The following NUDT17 variants were observed in gnomAD, a reference collection of about 807,000 sequenced individuals.
The protein encoded by NUDT17 is nudix hydrolase 17, also known as m7GpppN-mRNA hydrolase NUDT17.
In NUDT17, 38 loss-of-function variants were observed where a neutral mutation model predicts 38.6. The ratio of observed to expected loss-of-function variants is 0.98; its 90% CI spans 0.76 to 1.29. The LOEUF (loss-of-function observed/expected upper bound fraction) is 1.29, where lower values mean the gene tolerates loss of function less well. Ranked by LOEUF, NUDT17 falls within the 50% of genes most tolerant of loss-of-function variation. NUDT17 has a pLI of 0.00. For missense variants in NUDT17, 462 were observed against 415.2 expected (o/e 1.11, Z -0.98); for synonymous variants, 192 against 167.8 (o/e 1.14, Z -1.11).
At chr1:145,847,209 A>AAT in intron 4 of NUDT17, 41 bp from the exon 5 acceptor site, 2 of 1,172,138 alleles carry the variant, frequency 1.7e-6, no homozygotes, top group Non-Finnish European at 2.4e-6. Context: ...AAAAAAAAAA[A>AAT]GTGACGGAAA....
At chr1:145,847,212 G>T in intron 4 of NUDT17, 38 bp from the exon 5 acceptor site, 13 of 1,130,396 alleles carry the variant, frequency 1.2e-5, no homozygotes, top group Non-Finnish European at 1.5e-5. Context: ...AAAAAAAAGT[G>T]ACGGAAAGTT....
chr1:145,845,724 A>G lies in NUDT17; in HGVS notation c.84A>G (p.Gly28=), dbSNP rs868920421. 1.3e-6 allele frequency: 2 copies of G among 1,557,608 alleles called. No individual in the cohort carries two copies. Among genetic ancestry groups the G allele is most frequent in the African/African-American group, 1.4e-5 (1 of 73,600 alleles). The change falls in exon 1 of 8, where the codon GGA becomes GGG. Residue 28 remains glycine, a synonymous_variant. Coordinates refer to ENST00000334513, the MANE Select transcript of NUDT17 (RefSeq NM_001012758.3). ...CACGGAGTGTGTGTGGCCTCCTGGG[A>G]GCCGGACCAGGGCTCGGGACGTGGC... ...SFARSVCGLL[G]AGPGLGTWPI... is the part of the protein sequence containing the mutation.
intron 5 of NUDT17, 81 bp downstream of exon 5, chr1:145,847,429 G>T: frequency 7.7e-7 from 1 of 1,305,884 alleles, no homozygotes. Context: ...GGAGCTGGGC[G>T]GGGGTGGCGG....
At position 145,848,143 on chromosome 1, in the gene NUDT17, C is replaced by G. The variant is rs782062001; in HGVS notation, c.763C>G (p.Arg255Gly). 6.2e-7 allele frequency: 1 copy of G among 1,613,902 alleles called. No individual in the cohort carries two copies. Among genetic ancestry groups the G allele is most frequent in the South Asian group, 1.1e-5 (1 of 91,060 alleles). ...AVELEEDGRARPLVLHMSTLL... is the reference protein window; with the variant it reads ...AVELEEDGRAGPLVLHMSTLL... ...GGAACTAGAGGAGGATGGAAGAGCC[C>G]GACCTCTGGTCCTGCACATGTCCAC... Residue 255 changes from arginine to glycine, a missense_variant, in exon 7 of 8, where the codon CGA (arginine) becomes GGA (glycine). Arg to Gly is a moderately radical substitution (Grantham distance 125, BLOSUM62 -2). Transcript: ENST00000334513.
intron 7 of NUDT17, 44 bp from the exon 8 acceptor site, chr1:145,848,333 G>A (rs2101674294): frequency 6.2e-7 from 1 of 1,612,640 alleles, no homozygotes; most frequent in Non-Finnish European, 8.5e-7. Flanking sequence ...TACAGGCACG[G>A]GGGAAAGCAG....
At chr1:145,845,962 A>T in intron 1 of NUDT17, 51 bp from the exon 2 acceptor site, 1 of 1,554,256 alleles carries the variant, frequency 6.4e-7, no homozygotes, top group South Asian at 1.2e-5. Context: ...AGTCACGCCC[A>T]CCCAGTGCCG....
chr1:145,845,843 G>T lies in NUDT17; in HGVS notation c.192+11G>T. 6.3e-7 allele frequency: 1 copy of T among 1,581,252 alleles called. No individual in the cohort carries two copies. The highest frequency in any genetic ancestry group is 1.2e-5 in the South Asian group (1 of 86,680). ...AGGCTTCCGCTCCAGGTCGGCAGAA[G>T]GGGGCCCCAGAGCGGGGGCAGTGAA... On this transcript the variant is annotated intron_variant, in intron 1 of 7. Transcript: ENST00000334513.
intron 5 of NUDT17, 53 bp downstream of exon 5, chr1:145,847,401 T>C (rs587608847): frequency 5.4e-5 from 73 of 1,346,664 alleles, no homozygotes; most frequent in Non-Finnish European, 7.2e-5. Flanking sequence ...CCAAGCAACC[T>C]GGTTCTGACT....
intron 6 of NUDT17, 56 bp downstream of exon 6, chr1:145,847,775 G>C: frequency 6.4e-7 from 1 of 1,573,252 alleles, no homozygotes; most frequent in East Asian, 2.2e-5. Context: ...ATGTTGAGAA[G>C]TTCAGCGTCT....
In NUDT17 at chr1:145,847,620, T is replaced by G; in HGVS notation, c.632T>G (p.Leu211Arg). The G allele has an allele frequency of 6.2e-7, 1 of 1,613,920 alleles. No homozygotes were observed. Among genetic ancestry groups the G allele is most frequent in the Non-Finnish European group, 8.5e-7 (1 of 1,180,002 alleles). ...IQPNPNEVSALMWLTPDVAAA... is the reference protein window; with the variant it reads ...IQPNPNEVSARMWLTPDVAAA... ...CCAAACCCAAATGAGGTGAGCGCCC[T>G]TATGTGGCTGACACCAGATGTAGCT... Residue 211 changes from leucine (L) to arginine (R), a missense_variant, in exon 6 of 8, where the codon CTT becomes CGT. Leu to Arg is a moderately radical substitution (Grantham distance 102). Transcript: ENST00000334513.
At chr1:145,848,063 TC>T in intron 6 of NUDT17, 48 bp from the exon 7 acceptor site, 1 of 1,609,056 alleles carries the variant, frequency 6.2e-7, no homozygotes. Context: ...ATATGTAAGT[TC>T]TTTGTAAGCT....
At position 145,848,360 on chromosome 1, in the gene NUDT17, T is replaced by G. The variant is rs782621160; in HGVS notation, c.885-17T>G. ...GGAAAGCAGGAAAGGACAACCTCTC[T>G]TGGAATTCCTCCACAGAACACCCCC... On this transcript the variant is annotated splice_polypyrimidine_tract_variant and intron_variant, in intron 7 of 7. Transcript: ENST00000334513. 6.2e-7 allele frequency: 1 copy of G among 1,613,400 alleles called. No homozygotes were observed. The highest frequency in any genetic ancestry group is 1.1e-5 in the South Asian group (1 of 91,040).
chr1:145,846,452 G>A lies in NUDT17; in HGVS notation c.396G>A (p.Glu132=). ...TTGCAGGTGGGCACGTGGAACTTGA[G>A]GAGGAGGTAACCAGTCAGCTGATCC... ...WVPPGGHVEL[E]EELLDGGLRE... Residue 132 remains glutamate (E), a synonymous_variant, in exon 3 of 8, where the codon GAG becomes GAA. Transcript: ENST00000334513. The A allele has an allele frequency of 2.5e-6, 4 of 1,613,652 alleles. No individual in the cohort carries two copies. The highest frequency in any genetic ancestry group is 3.4e-6 in the Non-Finnish European group (4 of 1,179,640).
intron 6 of NUDT17, 130 bp from the exon 7 acceptor site, chr1:145,847,982 T>C: frequency 9.3e-7 from 1 of 1,079,520 alleles, no homozygotes; most frequent in Non-Finnish European, 1.4e-6. Context: ...TTGAACCTGT[T>C]TCCTTTCTGC....
At chr1:145,846,258 A>G (rs1553732463) in intron 2 of NUDT17, 62 bp downstream of exon 2, 2 of 1,518,690 alleles carry the variant, frequency 1.3e-6, no homozygotes, top group Admixed American at 3.9e-5. Flanking sequence ...CCCCGCAACA[A>G]TGTTTTTCCC....
rs781888694 is a variant in NUDT17 at position 145,847,274 on chromosome 1, TG to T, written c.524del (p.Gly175ValfsTer14). Reference protein sequence around the residue: ...WESAYPPRLSWGLPKYHHIVL... With the variant: ...WESAYPPRLSXGLPKYHHIVL... ...GTCTGCCTACCCTCCTAGGCTGAGC[TG>T]GGGTTTACCCAAATACCATCACATT... On this transcript the variant is annotated frameshift_variant, in exon 5 of 8. Coordinates refer to ENST00000334513, the MANE Select transcript of NUDT17 (RefSeq NM_001012758.3). LOFTEE classifies it high-confidence loss of function. The T allele has an allele frequency of 4.7e-5, 76 of 1,609,740 alleles. No homozygotes were observed. Among genetic ancestry groups the T allele is most frequent in the Non-Finnish European group, 5.6e-5 (66 of 1,177,496 alleles).
In NUDT17 at chr1:145,848,477, T is replaced by TGAA. The variant is rs587770352; in HGVS notation, c.987_*2dup. ...TCCCCCAAACCAGGGGTCTGGAAAG[T>TGAA]GAAGTGTAAAATCCCCTCCCTAGCC... is the stretch of plus-strand genomic sequence containing the variant. On this transcript the variant is annotated inframe_insertion and stop_retained_variant, in exon 8 of 8. Transcript: ENST00000334513. 28 of 1,610,236 alleles carry TGAA rather than the reference T, an allele frequency of 1.7e-5. No homozygotes were observed. The South Asian group carries it at 3.1e-4, about 18-fold the overall frequency.
rs1559160339 is a variant in NUDT17 at position 145,848,136 on chromosome 1, A to G, written c.756A>G (p.Gly252=). The change falls in exon 7 of 8, where the codon GGA becomes GGG. Residue 252 remains glycine, a synonymous_variant. Coordinates refer to ENST00000334513, the MANE Select transcript of NUDT17 (RefSeq NM_001012758.3). ...GTGCAGTGGAACTAGAGGAGGATGG[A>G]AGAGCCCGACCTCTGGTCCTGCACA... ...SVLAVELEED[G]RARPLVLHMS... 2 of 1,613,858 alleles carry G rather than the reference A, an allele frequency of 1.2e-6. No individual in the cohort carries two copies. Among genetic ancestry groups the G allele is most frequent in the Non-Finnish European group, 1.7e-6 (2 of 1,179,944 alleles).
In NUDT17 at chr1:145,846,440, C is replaced by T. The variant is rs782001827; in HGVS notation, c.384C>T (p.His128=). The T allele has an allele frequency of 3.7e-6, 6 of 1,613,816 alleles. No homozygotes were observed. The highest frequency in any genetic ancestry group is 1.3e-5 in the African/African-American group (1 of 75,026). The stretch of plus-strand genomic sequence containing the variant: ...GCCCCACTGTTGTTGCAGGTGGGCA[C>T]GTGGAACTTGAGGAGGAGGTAACCA... ...SPNLWVPPGG[H]VELEEELLDG... Residue 128 remains histidine (H), a synonymous_variant, in exon 3 of 8, where the codon CAC becomes CAT. Coordinates refer to ENST00000334513, the MANE Select transcript of NUDT17 (RefSeq NM_001012758.3).
Sources: allele counts gnomAD v4.1 joint callset, GRCh38; gene constraint gnomAD v4.1.1; transcripts MANE v1.5; gene names NCBI Gene and HGNC (gene_info 2026-07-23, HGNC 2026-07-21).